Variants in CDHR2 observed in about 807,000 individuals in gnomAD.
The protein encoded by CDHR2 is cadherin-related family member 2.
Under a neutral mutation model 138.6 loss-of-function variants are expected in CDHR2, and 104 were observed. The ratio of observed to expected loss-of-function variants is 0.75; its 90% CI spans 0.64 to 0.88. The LOEUF is 0.88. Ranked by LOEUF, CDHR2 falls within the 40% of genes least tolerant of loss-of-function variation. The probability of loss-of-function intolerance (pLI) is 0.00; values close to 1 mark genes in which losing one functional copy is unlikely to be tolerated. For synonymous variants in CDHR2, 755 were observed against 742.8 expected (o/e 1.02, Z -0.27); for missense variants, 1,624 against 1,727.6 (o/e 0.94, Z 1.06).
chr5:176,544,732 C>T (rs1052690847), upstream of CDHR2, among the ~76,000 whole-genome samples: 1 of 152,180 alleles, frequency 6.6e-6, no homozygotes, highest in African/African-American at 2.4e-5. Flanking sequence ...GCTACCGCGC[C>T]CAGCCCCGAG....
intron 1 of CDHR2, among the ~76,000 whole-genome samples, chr5:176,556,174 C>T (rs746998728): frequency 6.6e-6 from 1 of 152,182 alleles, no homozygotes; most frequent in African/African-American, 2.4e-5. Flanking sequence ...TAACAGTGCT[C>T]ACCTTATCAC....
At chr5:176,586,402 G>C (rs1044504598) in intron 20 of CDHR2, among the ~76,000 whole-genome samples, 1 of 152,166 alleles carries the variant, frequency 6.6e-6, no homozygotes, top group Non-Finnish European at 1.5e-5. Flanking sequence ...CATTGTGTTG[G>C]CCAGACTGGT....
rs753473748 is a variant in CDHR2 at position 176,571,325 on chromosome 5, T to C, written c.405+23T>C. 3 of 1,570,362 alleles carry C rather than the reference T, an allele frequency of 1.9e-6. No homozygotes were observed. In the Admixed American group the frequency reaches 5.2e-5, roughly 27 times the overall value. ...GAGGTGACACCTGCCTTAATGTGGT[T>C]GTGGGGCAGGGGGCATCCCAAAGTG... On this transcript the variant is annotated intron_variant, in intron 6 of 31. Transcript: ENST00000261944.
rs1561861051 is a variant in CDHR2, at chr5:176,543,492, C to T, written c.-16+723C>T. ...CGCGCGAATGGAGCTGCCTGGACCG[C>T]ACCACGCGTGCGGGGCGGAGCCTCT... On this transcript the variant is annotated intron_variant, in intron 1 of 31. Coordinates refer to the CDHR2 transcript ENST00000510636. This position sits in a 1 kb window ranked among gnomAD's most constrained non-coding sequence, Gnocchi z 4.0. 6.6e-6 allele frequency: 1 copy of T among 152,052 alleles called. No homozygotes were observed. Among genetic ancestry groups the T allele is most frequent in the South Asian group, 2.1e-4 (1 of 4,828 alleles). The allele number at this position is 152,052 out of a possible 1,614,324, so 9.4% of individuals were successfully genotyped here.
rs747466189 is a variant in CDHR2, at chr5:176,574,163, C to T, written c.486C>T (p.Ser162=). The T allele has an allele frequency of 2.5e-6, 4 of 1,613,108 alleles. No individual in the cohort carries two copies. Among genetic ancestry groups the T allele is most frequent in the Non-Finnish European group, 3.4e-6 (4 of 1,179,284 alleles). Reference sequence around the variant, plus strand: ...GGTCTGCAGGCATGGTCGTGTACTCCATAGAGAAGGTGAGTGTGAAGGGGG... The same window carrying T: ...GGTCTGCAGGCATGGTCGTGTACTCTATAGAGAAGGTGAGTGTGAAGGGGG... The part of the protein sequence containing the change: ...DMGSAGMVVY[S]IEKVIPSTGD... The change falls in exon 7 of 32, where the codon TCC becomes TCT. Residue 162 remains serine (S), a synonymous_variant. Coordinates refer to ENST00000261944, the MANE Select transcript of CDHR2 (RefSeq NM_017675.6).
intron 3 of CDHR2, chr5:176,567,119 G>A (rs1758102274): frequency 2.3e-6 from 1 of 433,008 alleles, no homozygotes; most frequent in South Asian, 1.6e-5. Context: ...CTAAAGGCAA[G>A]TGCTATTCTC....
Position 176,575,994 on chromosome 5 carries a change from G to A in CDHR2, c.1003G>A (p.Val335Met), listed in dbSNP as rs367614201. The A allele has an allele frequency of 6.8e-6, 11 of 1,613,802 alleles. No individual in the cohort carries two copies. The highest frequency in any genetic ancestry group is 9.3e-6 in the Non-Finnish European group (11 of 1,179,984). ...CAACATCTACGGGCAGGAGGCCAAG[G>A]TGAGCATCTGGGTGACAGTGAGAGT... is the stretch of plus-strand genomic sequence containing the variant. ...HLNIYGQEAKVSIWVTVRVMD... is the reference protein window; with the variant it reads ...HLNIYGQEAKMSIWVTVRVMD... Residue 335 changes from valine (V) to methionine (M), a missense_variant, in exon 12 of 32, where the codon GTG (valine) becomes ATG (methionine). Transcript: ENST00000261944.
intron 16 of CDHR2, among the ~76,000 whole-genome samples, chr5:176,579,827 G>A (rs1230614225): frequency 1.3e-5 from 2 of 152,092 alleles, no homozygotes; most frequent in African/African-American, 4.8e-5. Flanking sequence ...GCTGGGCCCT[G>A]AGTCCTCAGA....
chr5:176,590,479 G>A lies in CDHR2; in HGVS notation c.3408G>A (p.Val1136=), dbSNP rs761250984. ...SLTQLLQLGL[V]VLGSQESQES... ...CGCAGCTGCTGCAGCTGGGGCTGGT[G>A]GTGCTGGTGAGTGCGGGCAGGGCGG... The change falls in exon 27 of 32, where the codon GTG becomes GTA. Residue 1136 remains valine (V), a synonymous_variant. Coordinates refer to ENST00000261944, the MANE Select transcript of CDHR2 (RefSeq NM_017675.6). The A allele has an allele frequency of 1.2e-6, 2 of 1,613,962 alleles. No homozygotes were observed. The highest frequency in any genetic ancestry group is 1.3e-5 in the African/African-American group (1 of 75,042).
chr5:176,562,447 G>C (rs909622445), intron 1 of CDHR2, among the ~76,000 whole-genome samples: 1 of 152,038 alleles, frequency 6.6e-6, no homozygotes, highest in Non-Finnish European at 1.5e-5. Flanking sequence ...TCGGGAGGAG[G>C]GGTGGGCAGT....
rs1266094760 is a variant in CDHR2, at chr5:176,571,260, A to T, written c.363A>T (p.Ala121=). 6.2e-7 allele frequency: 1 copy of T among 1,612,336 alleles called. No homozygotes were observed. The highest frequency in any genetic ancestry group is 8.5e-7 in the Non-Finnish European group (1 of 1,179,436). ...TTGTGGAAGATAGAAACGACAACGC[A>T]CCCGTTTTCCAGAACACCGCTTTCT... ...LVIVEDRNDN[A]PVFQNTAFST... Residue 121 remains alanine, a synonymous_variant, in exon 6 of 32, where the codon GCA becomes GCT. Coordinates refer to ENST00000261944, the MANE Select transcript of CDHR2 (RefSeq NM_017675.6).
At chr5:176,592,268 GTGA>G (rs1156980177) in intron 30 of CDHR2, among the ~76,000 whole-genome samples, 8 of 148,262 alleles carry the variant, frequency 5.4e-5, no homozygotes, top group Admixed American at 2.0e-4. Flanking sequence ...TGGTGTTGAG[GTGA>G]TGATGGTGGT....
chr5:176,560,289 G>A (rs1140481), intron 1 of CDHR2, among the ~76,000 whole-genome samples: 1 of 151,978 alleles, frequency 6.6e-6, no homozygotes, highest in Non-Finnish European at 1.5e-5. Flanking sequence ...CCAGCTACTC[G>A]GGAGGCTGAG....
At chr5:176,577,275 G>A (rs1758405530) in intron 12 of CDHR2, 124 bp from the exon 13 acceptor site, 1 of 1,075,184 alleles carries the variant, frequency 9.3e-7, no homozygotes, top group Non-Finnish European at 1.3e-6. Context: ...GCAGTCTTTT[G>A]AGAGCCCCCT....
chr5:176,591,598 T>G, intron 30 of CDHR2, 114 bp downstream of exon 30: 1 of 813,898 alleles, frequency 1.2e-6, no homozygotes, highest in Non-Finnish European at 2.1e-6. Flanking sequence ...GATGGTGTGG[T>G]CATGGTAGTA....
At chr5:176,588,377 G>A (rs1211521661) in intron 21 of CDHR2, among the ~76,000 whole-genome samples, 2 of 150,798 alleles carry the variant, frequency 1.3e-5, no homozygotes, top group Non-Finnish European at 1.5e-5. Context: ...GTGAGTGTGT[G>A]TGAATTGAGT....
In CDHR2 at chr5:176,574,092, G is replaced by A. The variant is rs150841635; in HGVS notation, c.415G>A (p.Val139Met). 3.3e-5 allele frequency: 53 copies of A among 1,613,724 alleles called. No individual in the cohort carries two copies. Among genetic ancestry groups the A allele is most frequent in the African/African-American group, 2.5e-4 (19 of 75,040 alleles). Residue 139 changes from valine to methionine, a missense_variant, in exon 7 of 32, where the codon GTG becomes ATG. Val to Met is a conservative substitution (Grantham distance 21). This residue lies in a region of CDHR2 where 1,061 missense variants were observed against 1,136.6 expected (regional missense o/e 0.93). Transcript: ENST00000261944. The stretch of plus-strand genomic sequence containing the variant: ...GAGTCCCTCCCTGCAGACCCTGCCC[G>A]TGGGCAGTGTGGTGTTCTCCGTGCT... Reference protein sequence around the residue: ...FSTSINETLPVGSVVFSVLAV... With the variant: ...FSTSINETLPMGSVVFSVLAV...
intron 3 of CDHR2, among the ~76,000 whole-genome samples, chr5:176,567,354 G>A (rs1419993257): frequency 6.6e-6 from 1 of 151,966 alleles, no homozygotes; most frequent in Non-Finnish European, 1.5e-5. Context: ...TTTTAAAGTA[G>A]AGACAGGGTT....
In CDHR2 at chr5:176,584,222, G is replaced by T; in HGVS notation, c.2091G>T (p.Gln697His). 1 of 1,614,170 alleles carries T rather than the reference G, an allele frequency of 6.2e-7. No homozygotes were observed. The highest frequency in any genetic ancestry group is 1.6e-4 in the Middle Eastern group (1 of 6,062). Reference sequence around the variant, plus strand: ...ATGATAACCTGCCCATCTTCAATCAGTCCAGCTACAACTTTACGGTGAAGG... The same window carrying T: ...ATGATAACCTGCCCATCTTCAATCATTCCAGCTACAACTTTACGGTGAAGG... Reference protein sequence around the residue: ...DINDNLPIFNQSSYNFTVKEE... With the variant: ...DINDNLPIFNHSSYNFTVKEE... Residue 697 changes from glutamine to histidine, a missense_variant, in exon 18 of 32, where the codon CAG becomes CAT. Physicochemically the swap from Gln to His is conservative, Grantham distance 24. This residue lies in a region of CDHR2 where 1,061 missense variants were observed against 1,136.6 expected (regional missense o/e 0.93). Transcript: ENST00000261944.
Sources: allele counts gnomAD v4.1 joint callset (sites outside exome capture counted in the v4.1 genomes callset), GRCh38; gene constraint gnomAD v4.1.1; regional missense constraint gnomAD v4.1.1; non-coding constraint Gnocchi (gnomAD v3.1); transcripts MANE v1.5; gene names NCBI Gene and HGNC (gene_info 2026-07-23, HGNC 2026-07-21).